ECE1: variants seen among roughly 807,000 people sequenced by gnomAD.
The protein encoded by ECE1 is endothelin converting enzyme 1, also known as endothelin-converting enzyme 1.
ECE1 carries 35 observed loss-of-function variants against 98.6 expected under a neutral mutation model. That is an observed-to-expected ratio of 0.35 (90% CI 0.27 to 0.47). ECE1 has a LOEUF of 0.47. Among genes scored for constraint, ECE1 ranks in the 20% least tolerant of loss-of-function variants. The pLI is 1.00. For missense variants in ECE1, 814 were observed against 1,025.3 expected, an observed-to-expected ratio of 0.79 and a Z score of 2.81; for synonymous variants, 394 against 407.1, an observed-to-expected ratio of 0.97 and a Z score of 0.39.
intron 1 of ECE1, among the ~76,000 whole-genome samples, chr1:21,316,793 CA>C (rs1360255606): frequency 6.6e-6 from 1 of 152,194 alleles, no homozygotes; most frequent in Admixed American, 6.5e-5. Flanking sequence ...GCAACTCAAA[CA>C]ACAGGAAGAC....
chr1:21,257,269 C>A (rs189189818), intron 7 of ECE1, among the ~76,000 whole-genome samples: 1 of 152,326 alleles, frequency 6.6e-6, no homozygotes, highest in East Asian at 1.9e-4. Context: ...ATTGTGGTAG[C>A]TGTTATTGCT....
intron 1 of ECE1, among the ~76,000 whole-genome samples, chr1:21,302,647 C>T (rs2103379883): frequency 6.6e-6 from 1 of 152,290 alleles, no homozygotes; most frequent in Admixed American, 6.5e-5. Context: ...ACCCCCTGCC[C>T]TGAGGAATGC....
upstream of ECE1, among the ~76,000 whole-genome samples, chr1:21,291,813 T>C (rs961360460): frequency 6.6e-6 from 1 of 151,308 alleles, no homozygotes; most frequent in Non-Finnish European, 1.5e-5. Flanking sequence ...GGTGACAGAG[T>C]GAGACTCCAT....
In ECE1 at chr1:21,219,951, G is replaced by A. The variant is rs1418047753; in HGVS notation, c.*4C>T. 35 of 1,614,032 alleles carry A rather than the reference G, an allele frequency of 2.2e-5. No individual in the cohort carries two copies. Among genetic ancestry groups the A allele is most frequent in the South Asian group, 3.3e-5 (3 of 91,086 alleles). ...CCTCCGTCTTGGCTCTCTCCGCTTC[G>A]TCCTTACCAGACTTCGCACTTGTGA... On this transcript the variant is annotated 3_prime_UTR_variant, in exon 19 of 19. Coordinates refer to ENST00000374893, the MANE Select transcript of ECE1 (RefSeq NM_001397.3). This position sits in a 1 kb window ranked among gnomAD's most constrained non-coding sequence, Gnocchi z 4.5.
chr1:21,272,979 G>A, intron 3 of ECE1, 68 bp from the exon 4 acceptor site: 1 of 1,577,152 alleles, frequency 6.3e-7, no homozygotes, highest in Non-Finnish European at 8.7e-7. Flanking sequence ...GCAGAGAAGG[G>A]GGCTTGGGGC....
At chr1:21,234,012 G>T (rs28368026) in intron 13 of ECE1, among the ~76,000 whole-genome samples, 5,924 of 151,976 alleles carry the variant, frequency 0.039, 142 homozygotes, top group Middle Eastern at 0.051. Flanking sequence ...TTTGAGACGG[G>T]AATCTTGATC....
chr1:21,274,440 C>T (rs1420656187), intron 3 of ECE1, among the ~76,000 whole-genome samples: 1 of 152,192 alleles, frequency 6.6e-6, no homozygotes, highest in African/African-American at 2.4e-5. Context: ...GGCAAGTGAC[C>T]TCATCGCTCC....
chr1:21,285,864 C>T (rs1054175139), intron 2 of ECE1, among the ~76,000 whole-genome samples: 3 of 151,452 alleles, frequency 2.0e-5, no homozygotes, highest in South Asian at 2.1e-4. Context: ...TGGTGGCGCA[C>T]GCCTGTAATC....
intron 2 of ECE1, among the ~76,000 whole-genome samples, chr1:21,282,503 A>G (rs1026251506): frequency 2.0e-5 from 3 of 149,734 alleles, no homozygotes; most frequent in African/African-American, 7.4e-5. Context: ...TGAGAGAATC[A>G]CTTGAAACTG....
intron 1 of ECE1, among the ~76,000 whole-genome samples, chr1:21,343,218 G>A (rs1639436521): frequency 6.6e-6 from 1 of 152,196 alleles, no homozygotes; most frequent in Non-Finnish European, 1.5e-5. Context: ...AGACGTTTAT[G>A]GCCTGGTGGA....
Position 21,274,832 on chromosome 1 carries a change from C to T in ECE1, c.281-1921G>A, listed in dbSNP as rs184705116. On this transcript the variant is annotated intron_variant, in intron 3 of 18. Coordinates refer to ENST00000374893, the MANE Select transcript of ECE1 (RefSeq NM_001397.3). ...TATTGTTCACAGCCGAGAGGTGTGC[C>T]ATAAAAAAATTATGGAGCCATTACA... Among the ~76,000 whole-genome samples, 9 of 152,206 alleles carry T rather than the reference C, an allele frequency of 5.9e-5. No individual in the cohort carries two copies. The East Asian group carries it at 1.5e-3, about 26-fold the overall frequency.
chr1:21,279,003 T>C (rs2098251041), intron 3 of ECE1, among the ~76,000 whole-genome samples, 188 bp downstream of exon 3: 1 of 152,102 alleles, frequency 6.6e-6, no homozygotes, highest in African/African-American at 2.4e-5. Context: ...GTGCGAGACC[T>C]TTATATCACC....
intron 1 of ECE1, among the ~76,000 whole-genome samples, chr1:21,317,376 G>A (rs1638852045): frequency 1.3e-5 from 2 of 152,220 alleles, no homozygotes; most frequent in South Asian, 2.1e-4. Context: ...TCCTGCTGCT[G>A]TTGGGAGGGT....
chr1:21,331,130 C>T (rs549106604), intron 1 of ECE1, among the ~76,000 whole-genome samples: 3 of 152,242 alleles, frequency 2.0e-5, no homozygotes, highest in Admixed American at 6.5e-5. Flanking sequence ...AGGCCAGGCA[C>T]GGTGGCTCAT....
chr1:21,299,208 C>T (rs1205985768), intron 1 of ECE1: 1 of 229,018 alleles, frequency 4.4e-6, no homozygotes, highest in African/African-American at 2.2e-5. Context: ...ATTTGTGTTA[C>T]ACAGGTGAGT....
rs1412228838 is a variant in ECE1 at position 21,327,462 on chromosome 1, C to T, written c.3+17914G>A. ...CTACCACTGGCCTGGGCAAAGCCAC[C>T]ACCATTTTCTGATGCCACTCTTGCC... On this transcript the variant is annotated intron_variant, in intron 1 of 18. Transcript: ENST00000415912. This position sits in a 1 kb window ranked among gnomAD's most constrained non-coding sequence, Gnocchi z 4.6. Among the ~76,000 whole-genome samples the T allele has an allele frequency of 1.3e-5, 2 of 152,176 alleles. No individual in the cohort carries two copies. Among genetic ancestry groups the T allele is most frequent in the Non-Finnish European group, 2.9e-5 (2 of 68,026 alleles).
chr1:21,328,764 GAA>G (rs35883969), intron 1 of ECE1, among the ~76,000 whole-genome samples: 566 of 50,164 alleles, frequency 0.011, 4 homozygotes, highest in African/African-American at 0.039. Context: ...CCTCCATCTC[GAA>G]AAAAAAAAAA....
intron 11 of ECE1, among the ~76,000 whole-genome samples, chr1:21,237,657 T>C (rs766519166): frequency 5.9e-5 from 9 of 152,324 alleles, no homozygotes; most frequent in Middle Eastern, 6.8e-3. Context: ...CGTCTCCACA[T>C]TGCAGATGAT....
chr1:21,238,006 CTGTGGCCCTA>C, intron 11 of ECE1, 118 bp downstream of exon 11: 1 of 798,724 alleles, frequency 1.3e-6, no homozygotes, highest in Non-Finnish European at 2.2e-6. Flanking sequence ...TGCATTGAGG[CTGTGGCCCTA>C]AGGTCCCCTG....
Sources: gnomAD v4.1 joint callset for allele counts (sites outside exome capture counted in the v4.1 genomes callset) on GRCh38, gnomAD v4.1.1 for gene constraint, Gnocchi (gnomAD v3.1) non-coding constraint, MANE v1.5 for transcripts, NCBI Gene and HGNC (gene_info 2026-07-23, HGNC 2026-07-21) for gene names.